Variants in ZSCAN18 observed in about 807,000 individuals in gnomAD.
The protein encoded by ZSCAN18 is zinc finger and SCAN domain-containing protein 18.
ZSCAN18 carries 16 observed loss-of-function variants against 31.1 expected under a neutral mutation model. The observed-to-expected ratio is 0.51, with a 90% CI of 0.35 to 0.78. ZSCAN18 has a LOEUF of 0.78. Ranked by LOEUF, ZSCAN18 falls within the 30% of genes least tolerant of loss-of-function variation. The pLI, the probability that ZSCAN18 is intolerant of heterozygous loss-of-function variation, is 0.01. For synonymous variants in ZSCAN18, 375 were observed against 320.7 expected (o/e 1.17, Z -1.81); for missense variants, 731 against 697.4 (o/e 1.05, Z -0.54).
chr19:58,094,510 T>G lies in ZSCAN18; in HGVS notation c.-120+3664A>C, dbSNP rs148039588. 2.6e-3 allele frequency among the ~76,000 whole-genome samples: 403 copies of G among 152,226 alleles called. 2 individuals are homozygous for G. The highest frequency in any genetic ancestry group is 9.1e-3 in the African/African-American group (380 of 41,570). ...AGTCTCAGTTTCAACTACTCAACTC[T>G]GCCTCGTGGCAAGTAAGCAACCAGA... is the stretch of plus-strand genomic sequence containing the variant. On this transcript the variant is annotated intron_variant, in intron 1 of 6. Coordinates refer to ENST00000601144, the MANE Select transcript of ZSCAN18 (RefSeq NM_001145543.2).
In ZSCAN18 at chr19:58,086,219, C is replaced by G. The variant is rs1341232157; in HGVS notation, c.793G>C (p.Glu265Gln). ...PDAASRLDTEELRLVERDPQG... is the reference protein window; with the variant it reads ...PDAASRLDTEQLRLVERDPQG... ...GGATCTCTTTCCACCAACCGGAGTT[C>G]CTCAGTGTCCAGCCTGGAGGCAGCG... The change falls in exon 6 of 7, where the codon GAA becomes CAA. Residue 265 changes from glutamate to glutamine, a missense_variant. Transcript: ENST00000601144. 2 of 1,614,082 alleles carry G rather than the reference C, an allele frequency of 1.2e-6. No individual in the cohort carries two copies. Among genetic ancestry groups the G allele is most frequent in the African/African-American group, 2.7e-5 (2 of 75,052 alleles).
chr19:58,092,771 C>A, intron 1 of ZSCAN18: 17 of 761,978 alleles, frequency 2.2e-5, no homozygotes, highest in Non-Finnish European at 2.7e-5. Flanking sequence ...GATACCTCTA[C>A]TTTTTTTTTT....
At chr19:58,111,212 C>A (rs958915178) in intron 1 of ZSCAN18, among the ~76,000 whole-genome samples, 4 of 152,060 alleles carry the variant, frequency 2.6e-5, no homozygotes, top group Non-Finnish European at 5.9e-5. Flanking sequence ...GCTGCTCTGA[C>A]CTCCATTACT....
In ZSCAN18 at chr19:58,089,787, G is replaced by C. The variant is rs1397449838; in HGVS notation, c.403+78C>G. 3 of 1,509,182 alleles carry C rather than the reference G, an allele frequency of 2.0e-6. No homozygotes were observed. The African/African-American group carries it at 4.2e-5, about 21-fold the overall frequency. 93.5% of individuals were successfully genotyped at this position (1,509,182 alleles called of 1,614,324 possible). A position where few individuals can be genotyped will look rare whatever the true frequency, so the allele number is the denominator to read the frequency against. On this transcript the variant is annotated intron_variant, in intron 2 of 6. Transcript: ENST00000601144. ...TGGGGAACTTAACTATCTCAGGCAA[G>C]CCATGGCTGGCACTGGGGCCTTCCA...
chr19:58,091,894 T>C (rs915932912), intron 1 of ZSCAN18, among the ~76,000 whole-genome samples: 7 of 152,068 alleles, frequency 4.6e-5, no homozygotes, highest in Admixed American at 3.9e-4. Flanking sequence ...CCCAGTTTTA[T>C]AGGGAAAACC....
intron 1 of ZSCAN18, among the ~76,000 whole-genome samples, chr19:58,116,850 A>G (rs1312937171): frequency 1.3e-5 from 2 of 152,162 alleles, no homozygotes; most frequent in African/African-American, 4.8e-5. Flanking sequence ...CGTACCAGAG[A>G]GTAGAGGTGT....
Position 58,090,451 on chromosome 19 carries a change from A to C in ZSCAN18, c.-119-65T>G. ...CCAGGGCGCAGCCACCCCAGCTGCC[A>C]GAGAACAAAGACACCACACCCAGAG... is the stretch of plus-strand genomic sequence containing the variant. On this transcript the variant is annotated intron_variant, in intron 1 of 6. Transcript: ENST00000601144. The surrounding 1 kb of genome is among the most constrained non-coding windows in gnomAD (Gnocchi z 4.7). 1 of 1,403,430 alleles carries C rather than the reference A, an allele frequency of 7.1e-7. No individual in the cohort carries two copies. Among genetic ancestry groups the C allele is most frequent in the Non-Finnish European group, 9.5e-7 (1 of 1,056,580 alleles). 86.9% of individuals were successfully genotyped at this position (1,403,430 alleles called of 1,614,324 possible). A position where few individuals can be genotyped will look rare whatever the true frequency, so the allele number is the denominator to read the frequency against.
chr19:58,111,520 G>A (rs1342592946), intron 1 of ZSCAN18, among the ~76,000 whole-genome samples: 1 of 151,232 alleles, frequency 6.6e-6, no homozygotes, highest in Non-Finnish European at 1.5e-5. Flanking sequence ...TACTTATAAA[G>A]TTGTTTTTTT....
chr19:58,103,113 C>G (rs1054407644), upstream of ZSCAN18, among the ~76,000 whole-genome samples: 3 of 136,060 alleles, frequency 2.2e-5, no homozygotes, highest in Non-Finnish European at 3.3e-5. Flanking sequence ...CACAGCGAGA[C>G]TCTCTCTAAA....
Position 58,084,322 on chromosome 19 carries a change from C to T in ZSCAN18, c.*363G>A. The T allele has an allele frequency of 4.8e-6, 1 of 207,588 alleles. No homozygotes were observed. Among genetic ancestry groups the T allele is most frequent in the Non-Finnish European group, 9.6e-6 (1 of 104,472 alleles). The allele number at this position is 207,588 out of a possible 1,614,324, so 12.9% of individuals were successfully genotyped here. Reference sequence around the variant, plus strand: ...GGAGCGCAAACAGGAGGAATCGGGGCAAGGGTGACTTGAAGAAAGCACTGG... The same window carrying T: ...GGAGCGCAAACAGGAGGAATCGGGGTAAGGGTGACTTGAAGAAAGCACTGG... On this transcript the variant is annotated 3_prime_UTR_variant, in exon 7 of 7. Transcript: ENST00000601144. This position sits in a 1 kb window ranked among gnomAD's most constrained non-coding sequence, Gnocchi z 4.5.
chr19:58,117,287 T>A (rs894215517), intron 1 of ZSCAN18, among the ~76,000 whole-genome samples: 1 of 151,868 alleles, frequency 6.6e-6, no homozygotes, highest in African/African-American at 2.4e-5. Context: ...CAGCTGAGGA[T>A]CCCAAAGTCT....
chr19:58,098,045 G>A, intron 1 of ZSCAN18, 129 bp downstream of exon 1: 3 of 985,532 alleles, frequency 3.0e-6, no homozygotes, highest in South Asian at 4.7e-5. Flanking sequence ...ACGCACAGCG[G>A]GGGCTCGCAC....
chr19:58,091,008 G>A (rs1025292836), intron 1 of ZSCAN18, among the ~76,000 whole-genome samples: 7 of 151,662 alleles, frequency 4.6e-5, no homozygotes, highest in Non-Finnish European at 8.8e-5. Context: ...GGTGGCTCAC[G>A]CCCATAATCC....
intron 1 of ZSCAN18, chr19:58,107,741 T>A: frequency 2.0e-6 from 2 of 990,436 alleles, no homozygotes; most frequent in Non-Finnish European, 2.4e-6. Flanking sequence ...CTGCCACAGA[T>A]GCTCACTGAA....
chr19:58,084,894 C>A lies in ZSCAN18; in HGVS notation c.1324G>T (p.Ala442Ser). Residue 442 changes from alanine (A) to serine (S), a missense_variant, in exon 7 of 7, where the codon GCC becomes TCC. Ala to Ser is a moderately conservative substitution (Grantham distance 99, BLOSUM62 1). This residue lies in a region of ZSCAN18 where 597 missense variants were observed against 499.5 expected (regional missense o/e 1.20). Coordinates refer to ENST00000601144, the MANE Select transcript of ZSCAN18 (RefSeq NM_001145543.2). This position sits in a 1 kb window ranked among gnomAD's most constrained non-coding sequence, Gnocchi z 4.5. ...AAGGTCTTCCAGCAGCCCTGACAGG[C>A]GTAGCGCTTCCGGCCGCCATGGCTG... is the stretch of plus-strand genomic sequence containing the variant. ...HSSHGGRKRY[A>S]CQGCWKTFHF... 6.3e-7 allele frequency: 1 copy of A among 1,594,798 alleles called. No homozygotes were observed. Among genetic ancestry groups the A allele is most frequent in the Admixed American group, 1.7e-5 (1 of 57,236 alleles).
At chr19:58,096,213 C>T (rs1377451353) in intron 1 of ZSCAN18, among the ~76,000 whole-genome samples, 1 of 148,662 alleles carries the variant, frequency 6.7e-6, no homozygotes, top group Admixed American at 6.7e-5. Context: ...AGAATGAGCC[C>T]GTGTCTCACA....
chr19:58,085,421 G>C, intron 6 of ZSCAN18, 42 bp from the exon 7 acceptor site: 4 of 1,497,924 alleles, frequency 2.7e-6, no homozygotes, highest in Non-Finnish European at 3.5e-6. Context: ...CCCCGCCCAG[G>C]GCCAGGGAGA....
chr19:58,090,544 A>AT lies in ZSCAN18; in HGVS notation c.-119-159dup. ...GAACCTCAGTGTTGTACTCATGTAGATAAAAAGTAGCATGTAAATGGAGGG... is the reference window on the plus strand; with the variant it reads ...GAACCTCAGTGTTGTACTCATGTAGATTAAAAAGTAGCATGTAAATGGAGGG... On this transcript the variant is annotated intron_variant, in intron 1 of 6. Transcript: ENST00000601144. This position sits in a 1 kb window ranked among gnomAD's most constrained non-coding sequence, Gnocchi z 4.7. 1.7e-6 allele frequency: 1 copy of AT among 599,274 alleles called. No homozygotes were observed. The highest frequency in any genetic ancestry group is 3.0e-5 in the East Asian group (1 of 33,540). 37.1% of individuals were successfully genotyped at this position (599,274 alleles called of 1,614,324 possible). A position where few individuals can be genotyped will look rare whatever the true frequency, so the allele number is the denominator to read the frequency against.
rs148702527 is a variant in ZSCAN18, at chr19:58,115,629, C to T, written c.130+2638G>A. Among the ~76,000 whole-genome samples, 709 of 152,244 alleles carry T rather than the reference C, an allele frequency of 4.7e-3. 5 individuals are homozygous for T. Among genetic ancestry groups the T allele is most frequent in the Middle Eastern group, 0.01 (3 of 294 alleles). On this transcript the variant is annotated intron_variant, in intron 1 of 1. Coordinates refer to the ZSCAN18 transcript ENST00000595721. ...TTTGTTAGTATAAGAAATGCCACAG[C>T]CTCTCTGAAGAACAATTCAGAAGAA...
Sources: allele counts gnomAD v4.1 joint callset (sites outside exome capture counted in the v4.1 genomes callset), GRCh38; gene constraint gnomAD v4.1.1; regional missense constraint gnomAD v4.1.1; non-coding constraint Gnocchi (gnomAD v3.1); transcripts MANE v1.5; gene names NCBI Gene and HGNC (gene_info 2026-07-23, HGNC 2026-07-21).